The following PTPRZ1 variants were observed in gnomAD, a reference collection of about 807,000 sequenced individuals.
The protein encoded by PTPRZ1 is protein tyrosine phosphatase receptor type Z1.
A neutral mutation model predicts 214.1 loss-of-function variants in PTPRZ1; 82 were observed. The observed-to-expected ratio is 0.38, with a 90% CI of 0.32 to 0.46. The LOEUF is 0.46. Ranked by LOEUF, PTPRZ1 falls within the 20% of genes least tolerant of loss-of-function variation. The probability of loss-of-function intolerance (pLI) is 1.00; values close to 1 mark genes in which losing one functional copy is unlikely to be tolerated. For synonymous variants in PTPRZ1, 945 were observed against 987.9 expected (o/e 0.96, Z 0.81); for missense variants, 2,603 against 2,748.7 (o/e 0.95, Z 1.19).
At chr7:121,983,866 T>TA in intron 7 of PTPRZ1, 44 bp downstream of exon 7, 1 of 1,596,118 alleles carries the variant, frequency 6.3e-7, no homozygotes, top group Non-Finnish European at 8.5e-7. Context: ...CAAAGCCATT[T>TA]AAAAAACATT....
chr7:122,056,649 GATGTTTATATTAT>G (rs1443433141), intron 27 of PTPRZ1, among the ~76,000 whole-genome samples: 2 of 151,670 alleles, frequency 1.3e-5, no homozygotes, highest in African/African-American at 4.8e-5. Flanking sequence ...ATATATTTAA[GATGTTTATATTAT>G]ATGTGCAAGG....
intron 1 of PTPRZ1, among the ~76,000 whole-genome samples, chr7:121,882,210 T>C (rs1476052458): frequency 6.6e-6 from 1 of 152,220 alleles, no homozygotes; most frequent in Non-Finnish European, 1.5e-5. Context: ...TAAATATTCC[T>C]CCAGAGAGAC....
chr7:121,943,479 GTGCCCGCCACCA>G (rs1796288359), intron 2 of PTPRZ1, among the ~76,000 whole-genome samples: 1 of 152,070 alleles, frequency 6.6e-6, no homozygotes, highest in Non-Finnish European at 1.5e-5. Flanking sequence ...GGGACTACAG[GTGCCCGCCACCA>G]TGCCCGGCTA....
chr7:121,946,917 T>C (rs1796396273), intron 2 of PTPRZ1, among the ~76,000 whole-genome samples: 1 of 152,090 alleles, frequency 6.6e-6, no homozygotes, highest in African/African-American at 2.4e-5. Flanking sequence ...TCAAAAGGAT[T>C]GAGATTACGA....
chr7:121,995,252 G>A (rs1443502251), intron 8 of PTPRZ1, among the ~76,000 whole-genome samples: 1 of 152,134 alleles, frequency 6.6e-6, no homozygotes, highest in African/African-American at 2.4e-5. Flanking sequence ...TGTAATTGTT[G>A]TATCAGTGAT....
In PTPRZ1 at chr7:121,879,171, T is replaced by C. The variant is rs142048274; in HGVS notation, c.58+5614T>C. On this transcript the variant is annotated intron_variant, in intron 1 of 29. Transcript: ENST00000393386. ...ATCTGTGCATGGAAAATAAAGTTCC[T>C]GTGATTGATACTGAGTGTGTACTTA... 3.0e-3 allele frequency among the ~76,000 whole-genome samples: 456 copies of C among 152,352 alleles called. 6 individuals carry two copies. The highest frequency in any genetic ancestry group is 0.011 in the African/African-American group (438 of 41,588).
chr7:122,013,806 C>T lies in PTPRZ1; in HGVS notation c.4760C>T (p.Ser1587Leu), dbSNP rs746700392. Residue 1587 changes from serine to leucine, a missense_variant, in exon 12 of 30, where the codon TCA (serine) becomes TTA (leucine). Transcript: ENST00000393386. ...GATGGGATCCTGGCAGCAGGTGACTCAGAAATAACTCCTGGATTCCCACAG... is the reference window on the plus strand; with the variant it reads ...GATGGGATCCTGGCAGCAGGTGACTTAGAAATAACTCCTGGATTCCCACAG... ...DADGILAAGD[S>L]EITPGFPQSP... 30 of 1,614,038 alleles carry T rather than the reference C, an allele frequency of 1.9e-5. No individual in the cohort carries two copies. The highest frequency in any genetic ancestry group is 1.7e-4 in the Admixed American group (10 of 60,006).
Position 122,010,584 on chromosome 7 carries a change from A to G in PTPRZ1, c.1538A>G (p.Glu513Gly), listed in dbSNP as rs779183952. Residue 513 changes from glutamate to glycine, a missense_variant, in exon 12 of 30, where the codon GAA becomes GGA. Around this residue, in one of 6 missense-constraint regions of PTPRZ1, gnomAD observed 1,913 missense variants for 1,914.3 expected, o/e 1.00. Coordinates refer to ENST00000393386, the MANE Select transcript of PTPRZ1 (RefSeq NM_002851.3). ...TSQPVTKLAT[E>G]KDISLTSQTV... ...CAACCAGTCACTAAATTAGCCACAG[A>G]AAAAGATATTTCCTTGACTTCTCAG... 1 of 1,613,662 alleles carries G rather than the reference A, an allele frequency of 6.2e-7. No homozygotes were observed. The highest frequency in any genetic ancestry group is 8.5e-7 in the Non-Finnish European group (1 of 1,179,556).
intron 8 of PTPRZ1, among the ~76,000 whole-genome samples, chr7:121,989,130 T>G (rs543937552): frequency 3.7e-4 from 56 of 152,352 alleles, no homozygotes; most frequent in African/African-American, 1.3e-3. Flanking sequence ...ATTTATTATG[T>G]AATAATTTTT....
chr7:121,902,309 G>A (rs1284763323), intron 1 of PTPRZ1, among the ~76,000 whole-genome samples: 1 of 152,100 alleles, frequency 6.6e-6, no homozygotes, highest in Non-Finnish European at 1.5e-5. Context: ...TGCAATAATA[G>A]GAGTGCAGAT....
At chr7:122,004,539 T>G (rs1389564742) in intron 10 of PTPRZ1, 75 bp from the exon 11 acceptor site, 1 of 766,910 alleles carries the variant, frequency 1.3e-6, no homozygotes, top group African/African-American at 1.8e-5. Context: ...TTTTTTCTCT[T>G]TCACCCAAAG....
intron 15 of PTPRZ1, 159 bp downstream of exon 15, chr7:122,031,718 T>C (rs1332540070): frequency 4.4e-6 from 2 of 457,294 alleles, no homozygotes; most frequent in Admixed American, 7.7e-5. Flanking sequence ...AGATGTGTTA[T>C]AGTTACTATA....
chr7:122,011,145 C>T lies in PTPRZ1; in HGVS notation c.2099C>T (p.Ser700Leu). 6.2e-7 allele frequency: 1 copy of T among 1,614,094 alleles called. No homozygotes were observed. Among genetic ancestry groups the T allele is most frequent in the Non-Finnish European group, 8.5e-7 (1 of 1,179,990 alleles). The change falls in exon 12 of 30, where the codon TCA (serine) becomes TTA (leucine). Residue 700 changes from serine (S) to leucine (L), a missense_variant. By Grantham distance (145) the Ser-to-Leu change is moderately radical. Transcript: ENST00000393386. ...TKSFSAGPVM[S>L]QGPSVTDLEM... ...TCCTTTTCTGCAGGCCCAGTGATGT[C>T]ACAGGGTCCCTCAGTTACAGATCTG... is the stretch of plus-strand genomic sequence containing the variant.
chr7:121,999,753 A>G (rs1798264742), intron 10 of PTPRZ1, among the ~76,000 whole-genome samples: 1 of 152,162 alleles, frequency 6.6e-6, no homozygotes, highest in Admixed American at 6.5e-5. Context: ...CTTATTGCAT[A>G]TGAAAGAAAC....
intron 2 of PTPRZ1, among the ~76,000 whole-genome samples, chr7:121,941,108 C>A (rs1229694589): frequency 6.6e-6 from 1 of 152,232 alleles, no homozygotes; most frequent in African/African-American, 2.4e-5. Flanking sequence ...TTGCATGTCT[C>A]ACTCATCTTC....
At chr7:121,929,546 G>A (rs1381872417) in intron 2 of PTPRZ1, among the ~76,000 whole-genome samples, 1 of 150,204 alleles carries the variant, frequency 6.7e-6, no homozygotes, top group Non-Finnish European at 1.5e-5. Context: ...GGTGGCTCAA[G>A]CCTGTAATCC....
rs148720746 is a variant in PTPRZ1, at chr7:122,011,898, A to C, written c.2852A>C (p.His951Pro). ...TCTTACAGTTCTGCAATACCTGTGC[A>C]TGATTCTGTGGGTGTAACTTATCAG... is the stretch of plus-strand genomic sequence containing the variant. ...TVSYSSAIPVHDSVGVTYQGS... is the reference protein window; with the variant it reads ...TVSYSSAIPVPDSVGVTYQGS... The change falls in exon 12 of 30, where the codon CAT (histidine) becomes CCT (proline). Residue 951 changes from histidine (H) to proline (P), a missense_variant. Coordinates refer to ENST00000393386, the MANE Select transcript of PTPRZ1 (RefSeq NM_002851.3). The C allele has an allele frequency of 1.4e-5, 22 of 1,614,078 alleles. No homozygotes were observed. Among genetic ancestry groups the C allele is most frequent in the Non-Finnish European group, 1.8e-5 (21 of 1,180,018 alleles).
At chr7:121,931,210 G>C (rs1483879841) in intron 2 of PTPRZ1, among the ~76,000 whole-genome samples, 1 of 152,090 alleles carries the variant, frequency 6.6e-6, no homozygotes, top group Non-Finnish European at 1.5e-5. Context: ...TTGTTTTTAA[G>C]ATAATGTTTG....
chr7:121,876,756 CAG>C (rs1195478623), intron 1 of PTPRZ1, among the ~76,000 whole-genome samples: 1 of 152,110 alleles, frequency 6.6e-6, no homozygotes, highest in African/African-American at 2.4e-5. Flanking sequence ...TGCTTCCAGT[CAG>C]GGAAGTTTGC....
Sources: gnomAD v4.1 joint callset for allele counts (sites outside exome capture counted in the v4.1 genomes callset) on GRCh38, gnomAD v4.1.1 for gene constraint, gnomAD v4.1.1 regional missense constraint, MANE v1.5 for transcripts, NCBI Gene and HGNC (gene_info 2026-07-23, HGNC 2026-07-21) for gene names.